The following KATNBL1 variants were observed in gnomAD, a reference collection of about 807,000 sequenced individuals.
KATNBL1 encodes katanin regulatory subunit B1 like 1.
Under a neutral mutation model 44.7 loss-of-function variants are expected in KATNBL1, and 28 were observed. The observed-to-expected ratio is 0.63, with a 90% CI of 0.46 to 0.86. KATNBL1 has a LOEUF of 0.86. Among genes scored for constraint, KATNBL1 ranks in the 40% least tolerant of loss-of-function variants. The pLI is 0.00. For missense variants in KATNBL1, 272 were observed against 350.7 expected (o/e 0.78, Z 1.79); for synonymous variants, 78 against 114.9 (o/e 0.68, Z 2.06).
At chr15:34,148,870 A>G (rs954148420) in intron 4 of KATNBL1, 120 bp from the exon 5 acceptor site, 1 of 598,486 alleles carries the variant, frequency 1.7e-6, no homozygotes, top group Non-Finnish European at 3.0e-6. Flanking sequence ...TCCTTTTACT[A>G]GCCCACAAAA....
At chr15:34,149,522 C>T (rs1888405433) in intron 4 of KATNBL1, among the ~76,000 whole-genome samples, 2 of 152,174 alleles carry the variant, frequency 1.3e-5, no homozygotes, top group African/African-American at 4.8e-5. Context: ...CTCCCAAGCT[C>T]AAGTAATTCT....
intron 1 of KATNBL1, among the ~76,000 whole-genome samples, chr15:34,195,160 G>T (rs1241187417): frequency 7.5e-6 from 1 of 132,532 alleles, no homozygotes; most frequent in East Asian, 2.1e-4. Context: ...GTTTATTGCA[G>T]CACCAATTTA....
At chr15:34,167,912 C>A (rs1331578983) in intron 1 of KATNBL1, among the ~76,000 whole-genome samples, 1 of 152,168 alleles carries the variant, frequency 6.6e-6, no homozygotes, top group Non-Finnish European at 1.5e-5. Context: ...ACCACCAAGC[C>A]TGCCTTACAA....
intron 1 of KATNBL1, among the ~76,000 whole-genome samples, chr15:34,193,089 C>T (rs1443644147): frequency 4.0e-5 from 6 of 151,052 alleles, no homozygotes; most frequent in African/African-American, 1.2e-4. Flanking sequence ...TAGTGGCGGG[C>T]GCCTGTGGTC....
At chr15:34,206,619 C>T (rs751170102) in intron 1 of KATNBL1, among the ~76,000 whole-genome samples, 6 of 152,022 alleles carry the variant, frequency 3.9e-5, no homozygotes, top group Admixed American at 6.6e-5. Flanking sequence ...GGCGAAACCC[C>T]GTCTCAACTA....
intron 2 of KATNBL1, among the ~76,000 whole-genome samples, chr15:34,158,769 C>T (rs895574768): frequency 3.3e-5 from 5 of 152,130 alleles, no homozygotes; most frequent in African/African-American, 1.2e-4. Context: ...GAGTAGTATT[C>T]CTGACTCTAC....
At chr15:34,146,616 A>G (rs1178392569) in intron 8 of KATNBL1, 145 bp downstream of exon 8, 1 of 577,892 alleles carries the variant, frequency 1.7e-6, no homozygotes, top group South Asian at 2.3e-5. Flanking sequence ...ACAAATGAAC[A>G]GTCTCTTAAG....
chr15:34,204,156 G>C (rs1036195331), intron 1 of KATNBL1, among the ~76,000 whole-genome samples: 2 of 151,968 alleles, frequency 1.3e-5, no homozygotes, highest in African/African-American at 4.8e-5. Flanking sequence ...GGAAAACTAG[G>C]AGCACAGGCC....
intron 1 of KATNBL1, among the ~76,000 whole-genome samples, chr15:34,183,167 C>A (rs1052134384): frequency 1.3e-5 from 2 of 152,144 alleles, no homozygotes; most frequent in East Asian, 1.9e-4. Context: ...TTTTGACTGG[C>A]GACTACCAAG....
chr15:34,177,918 A>G (rs1448148768), intron 1 of KATNBL1: 1 of 152,228 alleles, frequency 6.6e-6, no homozygotes, highest in African/African-American at 2.4e-5. Context: ...TCCAGTTACT[A>G]CTACACAGTC....
intron 1 of KATNBL1, among the ~76,000 whole-genome samples, chr15:34,191,494 A>G (rs1174836766): frequency 6.6e-6 from 1 of 152,112 alleles, no homozygotes; most frequent in African/African-American, 2.4e-5. Flanking sequence ...TTAAACTTTT[A>G]AAGAAAATTG....
intron 1 of KATNBL1, among the ~76,000 whole-genome samples, chr15:34,168,004 T>A (rs1889036400): frequency 1.3e-5 from 2 of 152,178 alleles, no homozygotes; most frequent in African/African-American, 4.8e-5. Context: ...GTAAAGACCA[T>A]CGATGCTATG....
chr15:34,158,928 T>C (rs1222491474), intron 2 of KATNBL1, among the ~76,000 whole-genome samples: 4 of 152,232 alleles, frequency 2.6e-5, no homozygotes, highest in African/African-American at 9.6e-5. Flanking sequence ...CAATTAAATC[T>C]GAACACTCAT....
chr15:34,188,341 A>G (rs897188672), intron 1 of KATNBL1, among the ~76,000 whole-genome samples: 4 of 151,706 alleles, frequency 2.6e-5, no homozygotes, highest in Admixed American at 6.6e-5. Flanking sequence ...AGATCAGTTG[A>G]GGCCAGGAGT....
intron 1 of KATNBL1, among the ~76,000 whole-genome samples, chr15:34,198,985 C>T (rs1890096414): frequency 1.3e-5 from 2 of 152,034 alleles, no homozygotes; most frequent in Admixed American, 6.6e-5. Context: ...GGCAATTAAA[C>T]GGGGCATGGA....
chr15:34,149,265 T>G (rs554214209), intron 4 of KATNBL1, among the ~76,000 whole-genome samples: 1 of 152,312 alleles, frequency 6.6e-6, no homozygotes, highest in South Asian at 2.1e-4. Flanking sequence ...TCCGCAGAAA[T>G]AATCACAGTT....
intron 1 of KATNBL1, chr15:34,166,186 G>C (rs998843544): frequency 1.3e-5 from 2 of 152,296 alleles, no homozygotes; most frequent in Non-Finnish European, 2.9e-5. Flanking sequence ...TCCTAGCCAA[G>C]GGAATACATG....
At chr15:34,207,159 C>G (rs1328026498) in intron 1 of KATNBL1, among the ~76,000 whole-genome samples, 1 of 152,008 alleles carries the variant, frequency 6.6e-6, no homozygotes, top group East Asian at 1.9e-4. Context: ...CTCACCTCAG[C>G]CTCCCAAGCA....
At chr15:34,154,495 T>C in intron 3 of KATNBL1, 149 bp downstream of exon 3, 1 of 661,666 alleles carries the variant, frequency 1.5e-6, no homozygotes, top group Non-Finnish European at 2.7e-6. Context: ...AATATTGATG[T>C]GTTTATTAGT....
Sources: allele counts gnomAD v4.1 joint callset (sites outside exome capture counted in the v4.1 genomes callset), GRCh38; gene constraint gnomAD v4.1.1; transcripts MANE v1.5; gene names NCBI Gene and HGNC (gene_info 2026-07-23, HGNC 2026-07-21).